Variants in DOCK4 observed in about 807,000 individuals in gnomAD.
DOCK4 encodes the protein dedicator of cytokinesis 4, also known as dedicator of cytokinesis protein 4.
Under a neutral mutation model 268.1 loss-of-function variants are expected in DOCK4, and 97 were observed. That is an observed-to-expected ratio of 0.36 (90% CI 0.31 to 0.43). The LOEUF (loss-of-function observed/expected upper bound fraction) is 0.43. DOCK4 is among the 20% of genes least tolerant of loss of function. DOCK4 has a pLI of 1.00. For synonymous variants in DOCK4, 954 were observed against 887.2 expected, an observed-to-expected ratio of 1.08 and a Z score of -1.34; for missense variants, 2,145 against 2,455.7, an observed-to-expected ratio of 0.87 and a Z score of 2.67.
In DOCK4 at chr7:111,742,121, C is replaced by G. The variant is rs1257351474; in HGVS notation, c.4689G>C (p.Leu1563=). 1 of 1,593,192 alleles carries G rather than the reference C, an allele frequency of 6.3e-7. No individual in the cohort carries two copies. The highest frequency in any genetic ancestry group is 8.5e-7 in the Non-Finnish European group (1 of 1,172,416). Residue 1563 remains leucine, a synonymous_variant, in exon 45 of 53, where the codon CTG becomes CTC. Coordinates refer to ENST00000428084, the MANE Select transcript of DOCK4 (RefSeq NM_001363540.2). The part of the protein sequence containing the change: ...RELMLEQAQI[L]EFGLAVHEKF... ...TCTCATGCACGGCCAAACCAAATTC[C>G]AGAATCTGTGCCTTAATTCACAACA... is the stretch of plus-strand genomic sequence containing the variant.
intron 35 of DOCK4, among the ~76,000 whole-genome samples, chr7:111,779,171 G>A (rs748792077): frequency 3.3e-5 from 5 of 151,930 alleles, no homozygotes; most frequent in African/African-American, 4.8e-5. Context: ...AAATAAAAAG[G>A]CTCTTTATTT....
At chr7:112,131,729 T>C (rs776897871) in intron 1 of DOCK4, among the ~76,000 whole-genome samples, 2 of 152,134 alleles carry the variant, frequency 1.3e-5, no homozygotes, top group Non-Finnish European at 2.9e-5. Flanking sequence ...AAAAAAATCA[T>C]ATGGCATAGT....
chr7:112,051,017 G>A (rs1805302421), intron 1 of DOCK4, among the ~76,000 whole-genome samples: 1 of 152,054 alleles, frequency 6.6e-6, no homozygotes, highest in Non-Finnish European at 1.5e-5. Flanking sequence ...AGTAAAATAT[G>A]GCCATTGCTC....
At position 111,998,565 on chromosome 7, in the gene DOCK4, C is replaced by A. The variant is rs1800162446; in HGVS notation, c.163-62G>T. ...TTAAGGCAGGGTTGGTTTCACAAGT[C>A]ATTTGTATAAAACACAGCCATACAA... On this transcript the variant is annotated intron_variant, in intron 3 of 52. Coordinates refer to ENST00000428084, the MANE Select transcript of DOCK4 (RefSeq NM_001363540.2). The A allele has an allele frequency of 2.2e-6, 3 of 1,358,208 alleles. No individual in the cohort carries two copies. In the South Asian group the frequency reaches 4.1e-5, roughly 18 times the overall value. The allele number at this position is 1,358,208 out of a possible 1,614,324, so 84.1% of individuals were successfully genotyped here.
At chr7:112,055,099 T>A (rs1051279447) in intron 1 of DOCK4, among the ~76,000 whole-genome samples, 2 of 152,172 alleles carry the variant, frequency 1.3e-5, no homozygotes, top group African/African-American at 4.8e-5. Context: ...AAACAATATA[T>A]AATGAAACCA....
At chr7:111,775,520 T>C (rs1216168527) in intron 36 of DOCK4, among the ~76,000 whole-genome samples, 1 of 152,160 alleles carries the variant, frequency 6.6e-6, no homozygotes, top group East Asian at 1.9e-4. Flanking sequence ...AAACGAATAC[T>C]CAAAGAATGA....
At chr7:111,979,826 C>T (rs540685901) in intron 7 of DOCK4, among the ~76,000 whole-genome samples, 16 of 152,256 alleles carry the variant, frequency 1.1e-4, no homozygotes, top group African/African-American at 3.1e-4. Context: ...GCTCCTTTAC[C>T]GATGCAATGA....
At chr7:112,186,491 T>C (rs1040750916) in intron 1 of DOCK4, among the ~76,000 whole-genome samples, 1 of 152,220 alleles carries the variant, frequency 6.6e-6, no homozygotes, top group African/African-American at 2.4e-5. Context: ...TCACATCATG[T>C]AGTTGTCATG....
chr7:111,831,639 C>CATCT (rs1392136295), intron 26 of DOCK4, among the ~76,000 whole-genome samples: 1 of 151,974 alleles, frequency 6.6e-6, no homozygotes, highest in African/African-American at 2.4e-5. Flanking sequence ...TGTGTGCCAC[C>CATCT]ATACCCAGCT....
At chr7:111,829,810 C>T (rs1802680102) in intron 26 of DOCK4, among the ~76,000 whole-genome samples, 1 of 152,112 alleles carries the variant, frequency 6.6e-6, no homozygotes, top group Admixed American at 6.6e-5. Context: ...ATATCAAAAC[C>T]CAAAATTACT....
chr7:111,874,722 T>C (rs964816991), intron 17 of DOCK4, among the ~76,000 whole-genome samples: 1 of 152,172 alleles, frequency 6.6e-6, no homozygotes. Context: ...AGCTATAAAA[T>C]AGGAGGATGC....
At chr7:111,785,869 C>T (rs1329344359) in intron 32 of DOCK4, among the ~76,000 whole-genome samples, 1 of 152,134 alleles carries the variant, frequency 6.6e-6, no homozygotes, top group Non-Finnish European at 1.5e-5. Flanking sequence ...AAATTCCTAA[C>T]CCTGGGAAGC....
chr7:112,121,299 G>A (rs1812703140), intron 1 of DOCK4, among the ~76,000 whole-genome samples: 1 of 152,138 alleles, frequency 6.6e-6, no homozygotes, highest in South Asian at 2.1e-4. Flanking sequence ...TGATCTCCAA[G>A]AAGTCTTCTT....
chr7:112,157,847 G>A (rs1345089145), intron 1 of DOCK4, among the ~76,000 whole-genome samples: 3 of 152,108 alleles, frequency 2.0e-5, no homozygotes, highest in Non-Finnish European at 2.9e-5. Context: ...TAAAGGATTT[G>A]GACTTGATCC....
chr7:111,846,157 T>C (rs1220227976), intron 24 of DOCK4, among the ~76,000 whole-genome samples: 1 of 152,206 alleles, frequency 6.6e-6, no homozygotes, highest in African/African-American at 2.4e-5. Context: ...ACCTCACTGA[T>C]CTTCAGAAGC....
At chr7:112,149,284 T>G (rs1476024543) in intron 1 of DOCK4, among the ~76,000 whole-genome samples, 2 of 152,118 alleles carry the variant, frequency 1.3e-5, no homozygotes, top group Non-Finnish European at 2.9e-5. Context: ...ACTATTTCTA[T>G]GCTCAAGCAA....
intron 42 of DOCK4, among the ~76,000 whole-genome samples, chr7:111,754,183 T>G (rs1796876033): frequency 6.6e-6 from 1 of 152,180 alleles, no homozygotes; most frequent in Admixed American, 6.5e-5. Flanking sequence ...TCTCCCCACT[T>G]CCATGGAAGG....
intron 41 of DOCK4, among the ~76,000 whole-genome samples, chr7:111,757,087 C>T (rs781459814): frequency 6.6e-5 from 10 of 151,494 alleles, no homozygotes; most frequent in Non-Finnish European, 5.9e-5. Flanking sequence ...AAGGGCTTGG[C>T]GGGAGAGGAA....
chr7:111,916,157 C>T (rs1430613752), intron 12 of DOCK4, among the ~76,000 whole-genome samples: 2 of 152,164 alleles, frequency 1.3e-5, no homozygotes, highest in Non-Finnish European at 2.9e-5. Flanking sequence ...GGCAGCCTGG[C>T]TTCCAACCCC....
Sources: gnomAD v4.1 joint callset for allele counts (sites outside exome capture counted in the v4.1 genomes callset) on GRCh38, gnomAD v4.1.1 for gene constraint, MANE v1.5 for transcripts, NCBI Gene and HGNC (gene_info 2026-07-23, HGNC 2026-07-21) for gene names.